The following CYSTM1 variants were observed in gnomAD, a reference collection of about 807,000 sequenced individuals.
CYSTM1 encodes cysteine rich transmembrane module containing 1.
CYSTM1 carries 4 observed loss-of-function variants against 13.1 expected under a neutral mutation model. That is an observed-to-expected ratio of 0.31 (90% CI 0.15 to 0.70). The LOEUF (loss-of-function observed/expected upper bound fraction) is 0.70, where lower values mean the gene tolerates loss of function less well. CYSTM1 is among the 30% of genes least tolerant of loss of function. The pLI is 0.72. For synonymous variants in CYSTM1, 36 were observed against 42.7 expected (o/e 0.84, Z 0.62); for missense variants, 96 against 121.6 (o/e 0.79, Z 0.99).
At chr5:140,177,138 A>T (rs2126650872) in intron 1 of CYSTM1, among the ~76,000 whole-genome samples, 1 of 151,534 alleles carries the variant, frequency 6.6e-6, no homozygotes, top group African/African-American at 2.4e-5. Context: ...AGGCTGCGTA[A>T]GTGTTAGTTG....
chr5:140,196,097 A>G (rs1764153850), intron 2 of CYSTM1, among the ~76,000 whole-genome samples: 1 of 152,070 alleles, frequency 6.6e-6, no homozygotes, highest in Non-Finnish European at 1.5e-5. Flanking sequence ...CTTTATATAC[A>G]TTAACATTTA....
intron 2 of CYSTM1, 67 bp from the exon 3 acceptor site, chr5:140,243,238 G>A (rs558962769): frequency 2.2e-6 from 3 of 1,353,446 alleles, no homozygotes; most frequent in African/African-American, 1.4e-5. Flanking sequence ...GGTCCTGGGA[G>A]GCTAACTTTG....
At chr5:140,208,449 G>A (rs1435034335) in intron 2 of CYSTM1, among the ~76,000 whole-genome samples, 1 of 152,186 alleles carries the variant, frequency 6.6e-6, no homozygotes, top group Non-Finnish European at 1.5e-5. Flanking sequence ...AGGGTAGTAG[G>A]GGGAGGTGGG....
chr5:140,177,818 T>G (rs914663923), intron 1 of CYSTM1, among the ~76,000 whole-genome samples: 3 of 152,178 alleles, frequency 2.0e-5, no homozygotes, highest in African/African-American at 4.8e-5. Flanking sequence ...CATTAAAAAA[T>G]TTAGAAAAGT....
intron 2 of CYSTM1, among the ~76,000 whole-genome samples, chr5:140,240,744 C>T (rs141510065): frequency 1.4e-3 from 210 of 152,162 alleles, no homozygotes; most frequent in Non-Finnish European, 2.6e-3. Context: ...TGGGCCCCAC[C>T]GCAGGTGCTC....
intron 1 of CYSTM1, among the ~76,000 whole-genome samples, chr5:140,180,011 T>C (rs1419866615): frequency 6.6e-6 from 1 of 152,184 alleles, no homozygotes; most frequent in Non-Finnish European, 1.5e-5. Flanking sequence ...TTGGCTTTTT[T>C]TGGAGTGCCT....
At chr5:140,202,708 A>G (rs952907832) in intron 2 of CYSTM1, 5 of 152,224 alleles carry the variant, frequency 3.3e-5, no homozygotes, top group African/African-American at 1.2e-4. Context: ...CAATACAGAG[A>G]AAGAAGCCAT....
intron 1 of CYSTM1, among the ~76,000 whole-genome samples, chr5:140,193,403 C>T (rs1035743607): frequency 4.6e-5 from 7 of 152,236 alleles, no homozygotes; most frequent in African/African-American, 1.7e-4. Flanking sequence ...CCTGCCTCAG[C>T]CTCCTGAGTA....
At chr5:140,208,574 A>G (rs1194321812) in intron 2 of CYSTM1, among the ~76,000 whole-genome samples, 1 of 151,488 alleles carries the variant, frequency 6.6e-6, no homozygotes, top group African/African-American at 2.4e-5. Flanking sequence ...AAAATAACTA[A>G]AAGAGTATAA....
intron 2 of CYSTM1, among the ~76,000 whole-genome samples, chr5:140,234,565 T>C (rs1330234976): frequency 6.6e-6 from 1 of 152,234 alleles, no homozygotes. Context: ...GCAGGCAGCC[T>C]GCCCATTCAT....
chr5:140,220,647 T>C (rs1203481206), intron 2 of CYSTM1, among the ~76,000 whole-genome samples: 1 of 152,050 alleles, frequency 6.6e-6, no homozygotes, highest in Non-Finnish European at 1.5e-5. Context: ...GTCAGGAAAA[T>C]GCAAAGTGAG....
At position 140,239,335 on chromosome 5, in the gene CYSTM1, C is replaced by G. The variant is rs1331038804; in HGVS notation, c.188-3970C>G. On this transcript the variant is annotated intron_variant, in intron 2 of 2. Transcript: ENST00000261811. The surrounding 1 kb of genome is among the most constrained non-coding windows in gnomAD (Gnocchi z 5.4). Reference sequence around the variant, plus strand: ...GGAGCCCCACTTGCCCATTGCCTACCCAGAACCAGGTTTCTGAGTAGCCCA... The same window carrying G: ...GGAGCCCCACTTGCCCATTGCCTACGCAGAACCAGGTTTCTGAGTAGCCCA... 6.6e-6 allele frequency among the ~76,000 whole-genome samples: 1 copy of G among 152,090 alleles called. No homozygotes were observed. Among genetic ancestry groups the G allele is most frequent in the African/African-American group, 2.4e-5 (1 of 41,400 alleles).
intron 2 of CYSTM1, among the ~76,000 whole-genome samples, chr5:140,213,062 A>G (rs1472047995): frequency 6.8e-6 from 1 of 147,146 alleles, no homozygotes; most frequent in Non-Finnish European, 1.5e-5. Context: ...TTTTAAGTTA[A>G]CCATAAAACA....
intron 2 of CYSTM1, among the ~76,000 whole-genome samples, chr5:140,237,236 G>C (rs997089200): frequency 6.6e-6 from 1 of 152,224 alleles, no homozygotes; most frequent in Admixed American, 6.5e-5. Flanking sequence ...TCTGAACAAG[G>C]AGAAACCTAG....
At chr5:140,182,208 C>A (rs1763968312) in intron 1 of CYSTM1, among the ~76,000 whole-genome samples, 1 of 152,174 alleles carries the variant, frequency 6.6e-6, no homozygotes, top group African/African-American at 2.4e-5. Context: ...TTCCACATAT[C>A]CCACCTGGGG....
intron 2 of CYSTM1, among the ~76,000 whole-genome samples, chr5:140,242,524 A>G (rs1417206871): frequency 6.6e-6 from 1 of 152,228 alleles, no homozygotes; most frequent in African/African-American, 2.4e-5. Flanking sequence ...CAGATTGACT[A>G]GCAGCCATTT....
chr5:140,183,744 A>AG (rs1463843598), intron 1 of CYSTM1, among the ~76,000 whole-genome samples: 1 of 152,370 alleles, frequency 6.6e-6, no homozygotes, highest in South Asian at 2.1e-4. Context: ...CTGAATGCAG[A>AG]GGGGAATACT....
At chr5:140,197,292 C>T (rs573708378) in intron 2 of CYSTM1, among the ~76,000 whole-genome samples, 1 of 152,156 alleles carries the variant, frequency 6.6e-6, no homozygotes. Flanking sequence ...TTGATGTCAG[C>T]CTTTTTGATG....
At chr5:140,242,901 G>T (rs987957543) in intron 2 of CYSTM1, among the ~76,000 whole-genome samples, 1 of 152,234 alleles carries the variant, frequency 6.6e-6, no homozygotes, top group South Asian at 2.1e-4. Flanking sequence ...TTTAAAAGGA[G>T]ATTTTAATTC....
Sources: allele counts gnomAD v4.1 joint callset (sites outside exome capture counted in the v4.1 genomes callset), GRCh38; gene constraint gnomAD v4.1.1; non-coding constraint Gnocchi (gnomAD v3.1); transcripts MANE v1.5; gene names NCBI Gene and HGNC (gene_info 2026-07-23, HGNC 2026-07-21).